RPL31: variants seen among roughly 807,000 people sequenced by gnomAD.
RPL31 encodes the protein large ribosomal subunit protein eL31.
For missense variants in RPL31, 95 were observed against 164.0 expected (o/e 0.58, Z 2.30); for synonymous variants, 51 against 55.0 (o/e 0.93, Z 0.32).
downstream of RPL31, among the ~76,000 whole-genome samples, chr2:101,011,785 CAT>C (rs1445113028): frequency 3.3e-5 from 5 of 152,160 alleles, no homozygotes; most frequent in Admixed American, 2.0e-4. Flanking sequence ...TAATTAACAA[CAT>C]ACACATTCAT....
intron 4 of RPL31, 39 bp downstream of exon 4, chr2:101,006,110 G>GA: frequency 6.2e-7 from 1 of 1,600,476 alleles, no homozygotes; most frequent in Non-Finnish European, 8.5e-7. Context: ...AAATTCATTA[G>GA]AAAAATGTCC....
rs56291532 is a variant in RPL31 at position 101,018,907 on chromosome 2, G to A, written c.347-91G>A. On this transcript the variant is annotated intron_variant, in intron 4 of 4. Coordinates refer to the RPL31 transcript ENST00000409028. ...ATCCGTAGGTTTATCAATCTGCAGT[G>A]AAAACTGTTGATGTCCTAATCTTCT... 187,263 of 1,517,224 alleles carry A rather than the reference G, an allele frequency of 0.12. 12,921 individuals are homozygous for A. The highest frequency in any genetic ancestry group is 0.14 in the Non-Finnish European group (155,824 of 1,115,906). 94.0% of individuals were successfully genotyped at this position (1,517,224 alleles called of 1,614,324 possible).
chr2:101,018,027 A>C (rs950884565), intron 4 of RPL31: 16 of 1,212,508 alleles, frequency 1.3e-5, no homozygotes, highest in Non-Finnish European at 1.9e-5. Flanking sequence ...CTCATTCTAC[A>C]TATCAACCCC....
chr2:101,004,126 CTTTAA>C, intron 2 of RPL31, 27 bp from the exon 3 acceptor site: 1 of 1,607,002 alleles, frequency 6.2e-7, no homozygotes, highest in East Asian at 2.2e-5. Context: ...TTTTGTGCTC[CTTTAA>C]TTTGTTCACT....
chr2:101,015,793 G>A (rs551830776), intron 4 of RPL31, among the ~76,000 whole-genome samples: 1 of 152,258 alleles, frequency 6.6e-6, no homozygotes, highest in Non-Finnish European at 1.5e-5. Flanking sequence ...CATGATCTTT[G>A]ACAAACCTGA....
intron 4 of RPL31, among the ~76,000 whole-genome samples, chr2:101,014,780 G>A (rs752627524): frequency 2.0e-5 from 3 of 152,170 alleles, no homozygotes; most frequent in African/African-American, 4.8e-5. Context: ...TAGCATAGCC[G>A]TAAGAAAAGC....
At chr2:101,009,728 G>A (rs956895105), downstream of RPL31, among the ~76,000 whole-genome samples, 12 of 149,396 alleles carry the variant, frequency 8.0e-5, no homozygotes, top group Non-Finnish European at 1.8e-4. Context: ...GTGGTCAAAA[G>A]AAAAAAAAGA....
At chr2:101,007,922 T>C (rs3739011), downstream of RPL31, 5,118 of 1,614,052 alleles carry the variant, frequency 3.2e-3, 251 homozygotes, top group East Asian at 0.095. Flanking sequence ...TTGGATTTCA[T>C]GTCCAGTGGC....
intron 4 of RPL31, among the ~76,000 whole-genome samples, chr2:101,017,040 C>A (rs1679702349): frequency 6.7e-6 from 1 of 149,628 alleles, no homozygotes; most frequent in African/African-American, 2.5e-5. Context: ...CTAACCTGCA[C>A]ATTGTGCACA....
At chr2:101,003,908 A>G (rs900429230) in intron 2 of RPL31, among the ~76,000 whole-genome samples, 1 of 152,172 alleles carries the variant, frequency 6.6e-6, no homozygotes, top group Non-Finnish European at 1.5e-5. Flanking sequence ...ACTGGTGGGA[A>G]AAAAGGATTG....
chr2:101,003,311 C>CTGCTT (rs1678609727), intron 2 of RPL31, among the ~76,000 whole-genome samples: 1 of 152,074 alleles, frequency 6.6e-6, no homozygotes, highest in African/African-American at 2.4e-5. Flanking sequence ...CCCTGGCCAT[C>CTGCTT]TGTTTTGTTT....
chr2:101,003,201 G>C (rs1678604980), intron 2 of RPL31, among the ~76,000 whole-genome samples: 1 of 152,230 alleles, frequency 6.6e-6, no homozygotes, highest in Non-Finnish European at 1.5e-5. Flanking sequence ...TTGTTTCAAA[G>C]TAGCTACTTT....
At chr2:101,017,194 AAC>A (rs1679717411) in intron 4 of RPL31, among the ~76,000 whole-genome samples, 1 of 152,108 alleles carries the variant, frequency 6.6e-6, no homozygotes, top group South Asian at 2.1e-4. Flanking sequence ...CATGGGCAAT[AAC>A]ACACACAAAG....
chr2:101,016,065 TG>T (rs1679610636), intron 4 of RPL31, among the ~76,000 whole-genome samples: 1 of 151,700 alleles, frequency 6.6e-6, no homozygotes, highest in Non-Finnish European at 1.5e-5. Context: ...AAGCCAAAAT[TG>T]ACAAATGGGA....
At chr2:101,009,979 G>A (rs963484715), downstream of RPL31, among the ~76,000 whole-genome samples, 3 of 151,658 alleles carry the variant, frequency 2.0e-5, no homozygotes, top group Admixed American at 6.6e-5. Context: ...CCGCCACCAC[G>A]TCCAGCTAAT....
At chr2:101,010,753 A>G (rs1316036502), downstream of RPL31, among the ~76,000 whole-genome samples, 1 of 152,012 alleles carries the variant, frequency 6.6e-6, no homozygotes, top group Non-Finnish European at 1.5e-5. Context: ...GTGGTTGCAC[A>G]CGCCTGTAAT....
downstream of RPL31, chr2:101,010,784 A>G (rs1191548060): frequency 2.1e-5 from 13 of 618,344 alleles, no homozygotes; most frequent in East Asian, 3.8e-4. Context: ...CAGGAGGCTG[A>G]GGCAGGAGAA....
At chr2:101,018,368 T>TA (rs1018162057) in intron 4 of RPL31, 12 of 157,426 alleles carry the variant, frequency 7.6e-5, no homozygotes, top group Non-Finnish European at 1.5e-4. Flanking sequence ...TGCTTTTTTT[T>TA]AAAAAGCCAA....
intron 4 of RPL31, chr2:101,018,021 T>C: frequency 9.3e-6 from 12 of 1,291,266 alleles, no homozygotes; most frequent in Non-Finnish European, 1.3e-5. Flanking sequence ...CATGTGCTCA[T>C]TCTACATATC....
Sources: allele counts gnomAD v4.1 joint callset (sites outside exome capture counted in the v4.1 genomes callset), GRCh38; gene constraint gnomAD v4.1.1; transcripts MANE v1.5; gene names NCBI Gene and HGNC (gene_info 2026-07-23, HGNC 2026-07-21).